CGGBP1: variants seen among roughly 807,000 people sequenced by gnomAD.
CGGBP1 encodes the protein CGG triplet repeat binding protein 1.
CGGBP1 carries 4 observed loss-of-function variants against 11.4 expected under a neutral mutation model. That is an observed-to-expected ratio of 0.35 (90% CI 0.17 to 0.80). The LOEUF is 0.80. Ranked by LOEUF, CGGBP1 falls within the 30% of genes least tolerant of loss-of-function variation. CGGBP1 has a pLI of 0.52. For synonymous variants in CGGBP1, 76 were observed against 74.1 expected, an observed-to-expected ratio of 1.03 and a Z score of -0.13; for missense variants, 135 against 202.1, an observed-to-expected ratio of 0.67 and a Z score of 2.01.
intron 2 of CGGBP1, among the ~76,000 whole-genome samples, chr3:88,134,222 T>C (rs1457060292): frequency 2.6e-5 from 4 of 152,122 alleles, no homozygotes; most frequent in Non-Finnish European, 5.9e-5. Flanking sequence ...TGTTTTTGTC[T>C]GAGTACACTA....
chr3:88,134,669 ATTTC>A (rs1283920568), intron 2 of CGGBP1, among the ~76,000 whole-genome samples: 2 of 152,092 alleles, frequency 1.3e-5, no homozygotes, highest in Non-Finnish European at 2.9e-5. Context: ...AATATGAACC[ATTTC>A]TTTATAGAGA....
At chr3:88,098,722 G>C (rs1224745208) in intron 2 of CGGBP1, among the ~76,000 whole-genome samples, 2 of 152,112 alleles carry the variant, frequency 1.3e-5, no homozygotes, top group Admixed American at 6.6e-5. Context: ...CAGAACCAAA[G>C]ACAAAAACCA....
chr3:88,099,862 A>T (rs1338923468), intron 2 of CGGBP1, among the ~76,000 whole-genome samples: 1 of 152,260 alleles, frequency 6.6e-6, no homozygotes, highest in Non-Finnish European at 1.5e-5. Flanking sequence ...ACCTAAAACC[A>T]TAAAAACCCT....
At chr3:88,112,993 A>G (rs937666068) in intron 2 of CGGBP1, 3 of 654,892 alleles carry the variant, frequency 4.6e-6, no homozygotes, top group African/African-American at 1.9e-5. Context: ...GTTCAGTACA[A>G]TTTTTTAAAC....
intron 2 of CGGBP1, chr3:88,139,762 A>G (rs1458110640): frequency 6.4e-7 from 1 of 1,554,320 alleles, no homozygotes; most frequent in South Asian, 1.2e-5. Flanking sequence ...GAATGTGGGG[A>G]TGATTATGAG....
intron 2 of CGGBP1, among the ~76,000 whole-genome samples, chr3:88,065,986 G>A (rs1244866421): frequency 3.3e-5 from 5 of 152,122 alleles, no homozygotes; most frequent in African/African-American, 1.2e-4. Context: ...CACCCACTGT[G>A]GCCTCCCATG....
chr3:88,116,559 T>C (rs200885983), intron 2 of CGGBP1, among the ~76,000 whole-genome samples: 7,017 of 146,620 alleles, frequency 0.048, 224 homozygotes, highest in Non-Finnish European at 0.071. Context: ...CATACATATA[T>C]ATACACACAC....
At chr3:88,112,364 T>C (rs1024624971) in intron 2 of CGGBP1, among the ~76,000 whole-genome samples, 3 of 151,906 alleles carry the variant, frequency 2.0e-5, no homozygotes, top group Non-Finnish European at 4.4e-5. Context: ...GAGGGATTTG[T>C]CACTTGTACT....
chr3:88,065,556 G>GA (rs1707149045), intron 2 of CGGBP1, among the ~76,000 whole-genome samples: 1 of 152,018 alleles, frequency 6.6e-6, no homozygotes, highest in Non-Finnish European at 1.5e-5. Flanking sequence ...TAAAAAGACT[G>GA]AAATATACCA....
At chr3:88,101,197 T>C (rs1704401543) in intron 2 of CGGBP1, among the ~76,000 whole-genome samples, 1 of 152,166 alleles carries the variant, frequency 6.6e-6, no homozygotes, top group Non-Finnish European at 1.5e-5. Flanking sequence ...GTAAGTTTTA[T>C]AGAGTTGTGC....
rs201527695 is a variant in CGGBP1, at chr3:88,141,595, C to A, written c.-337-517G>T. 24 of 1,376,298 alleles carry A rather than the reference C, an allele frequency of 1.7e-5. No homozygotes were observed. In the South Asian group the frequency reaches 3.7e-4, roughly 21 times the overall value. 85.3% of individuals were successfully genotyped at this position (1,376,298 alleles called of 1,614,324 possible). A position where few individuals can be genotyped will look rare whatever the true frequency, so the allele number is the denominator to read the frequency against. On this transcript the variant is annotated intron_variant, in intron 1 of 3. Transcript: ENST00000462901. The stretch of plus-strand genomic sequence containing the variant: ...TAAACAGGAATCTGACTTGGAATTC[C>A]GGTCGAATGTCAATAAAACTTGCAT...
At chr3:88,137,218 AG>A (rs1369147796) in intron 2 of CGGBP1, among the ~76,000 whole-genome samples, 2 of 149,976 alleles carry the variant, frequency 1.3e-5, no homozygotes, top group Non-Finnish European at 3.0e-5. Flanking sequence ...AAAAAAAAAA[AG>A]GATGTAGATA....
chr3:88,073,304 T>C (rs1411158489), intron 2 of CGGBP1, among the ~76,000 whole-genome samples: 1 of 151,992 alleles, frequency 6.6e-6, no homozygotes, highest in Non-Finnish European at 1.5e-5. Flanking sequence ...GAACATAAAC[T>C]CAAAAAAGAA....
rs566270094 is a variant in CGGBP1, at chr3:88,083,397, T to C, written c.-228-25174A>G. ...TTAAGATATGACATTTTATAGTATA[T>C]ACTATATCCCATTTAGAGCAGAGTA... On this transcript the variant is annotated intron_variant, in intron 2 of 3. Transcript: ENST00000462901. Among the ~76,000 whole-genome samples, 35 of 152,344 alleles carry C rather than the reference T, an allele frequency of 2.3e-4. No homozygotes were observed. In the South Asian group the frequency reaches 6.8e-3, roughly 30 times the overall value.
intron 2 of CGGBP1, among the ~76,000 whole-genome samples, chr3:88,099,511 A>G (rs568252496): frequency 8.5e-5 from 13 of 152,134 alleles, no homozygotes; most frequent in African/African-American, 3.1e-4. Flanking sequence ...AAGAGCCCGC[A>G]TTGCCAAGAC....
chr3:88,111,195 C>A (rs1400380823), intron 2 of CGGBP1, among the ~76,000 whole-genome samples: 1 of 151,890 alleles, frequency 6.6e-6, no homozygotes, highest in Non-Finnish European at 1.5e-5. Context: ...AGAGAAGATT[C>A]CAGAGATGCT....
chr3:88,141,140 A>G (rs1370570259), intron 1 of CGGBP1: 13 of 1,415,920 alleles, frequency 9.2e-6, no homozygotes, highest in South Asian at 2.9e-5. Flanking sequence ...TAAAAAATTG[A>G]TATTTGTGTA....
Position 88,105,147 on chromosome 3 carries a change from A to T in CGGBP1, c.-229+35823T>A, listed in dbSNP as rs28649211. Among the ~76,000 whole-genome samples, 1,318 of 152,326 alleles carry T rather than the reference A, an allele frequency of 8.7e-3. 18 individuals carry two copies. The highest frequency in any genetic ancestry group is 0.03 in the African/African-American group (1,266 of 41,566). The stretch of plus-strand genomic sequence containing the variant: ...GAGCAAGACTCCATCTCAGAAAACA[A>T]ACATAAATTACATAAAATTCAAATG... On this transcript the variant is annotated intron_variant, in intron 2 of 3. Transcript: ENST00000462901.
Position 88,053,129 on chromosome 3 carries a change from C to T in CGGBP1, c.*2344G>A, listed in dbSNP as rs998592241. The T allele has an allele frequency of 6.6e-6, 1 of 152,432 alleles. No homozygotes were observed. Among genetic ancestry groups the T allele is most frequent in the African/African-American group, 2.4e-5 (1 of 41,460 alleles). 9.4% of individuals were successfully genotyped at this position (152,432 alleles called of 1,614,324 possible). On this transcript the variant is annotated 3_prime_UTR_variant, in exon 4 of 4. Coordinates refer to ENST00000482016, the MANE Select transcript of CGGBP1 (RefSeq NM_001008390.2). ...TCTGTACACACGTTCACTACACCTC[C>T]AAAGCAGCATATGCCTCTTAGACAT...
Sources: allele counts gnomAD v4.1 joint callset (sites outside exome capture counted in the v4.1 genomes callset), GRCh38; gene constraint gnomAD v4.1.1; transcripts MANE v1.5; gene names NCBI Gene and HGNC (gene_info 2026-07-23, HGNC 2026-07-21).